NAV3: variants seen among roughly 807,000 people sequenced by gnomAD.
NAV3 encodes pore membrane and/or filament interacting like protein 1.
Under a neutral mutation model 244.7 loss-of-function variants are expected in NAV3, and 87 were observed. The ratio of observed to expected loss-of-function variants is 0.36; its 90% CI spans 0.30 to 0.42. The LOEUF (loss-of-function observed/expected upper bound fraction) is 0.42, where lower values mean the gene tolerates loss of function less well. NAV3 is among the 20% of genes least tolerant of loss of function. The pLI, the probability that NAV3 is intolerant of heterozygous loss-of-function variation, is 1.00. For missense variants in NAV3, 2,663 were observed against 2,893.3 expected (o/e 0.92, Z 1.83); for synonymous variants, 1,126 against 1,042.2 (o/e 1.08, Z -1.55).
At chr12:77,747,397 G>A (rs1018804791) in intron 2 of NAV3, among the ~76,000 whole-genome samples, 1 of 152,188 alleles carries the variant, frequency 6.6e-6, no homozygotes. Context: ...GTGCTGGAGA[G>A]GATGTGGAGA....
intron 12 of NAV3, among the ~76,000 whole-genome samples, chr12:78,113,238 G>C (rs1955193558): frequency 1.3e-5 from 2 of 152,200 alleles, no homozygotes; most frequent in Non-Finnish European, 1.5e-5. Flanking sequence ...AGCTGTAGGT[G>C]GATCTACCAT....
intron 30 of NAV3, among the ~76,000 whole-genome samples, 167 bp from the exon 31 acceptor site, chr12:78,185,433 CA>C (rs1375868254): frequency 1.3e-5 from 2 of 151,748 alleles, no homozygotes; most frequent in African/African-American, 4.8e-5. Context: ...TTAGCCCAAC[CA>C]CAGTAATTCA....
intron 34 of NAV3, among the ~76,000 whole-genome samples, chr12:78,191,455 CCA>C (rs370090201): frequency 6.6e-5 from 10 of 151,712 alleles, no homozygotes; most frequent in East Asian, 1.9e-4. Context: ...ACACATACAA[CCA>C]CACACACACA....
chr12:78,184,210 A>C (rs1489919570), intron 30 of NAV3, among the ~76,000 whole-genome samples: 1 of 151,902 alleles, frequency 6.6e-6, no homozygotes, highest in African/African-American at 2.4e-5. Flanking sequence ...ATATGCAGCA[A>C]AATTTCTGAT....
intron 1 of NAV3, among the ~76,000 whole-genome samples, chr12:77,892,458 C>T (rs923539408): frequency 6.6e-6 from 1 of 151,786 alleles, no homozygotes; most frequent in Non-Finnish European, 1.5e-5. Flanking sequence ...CTCTGTCACC[C>T]ATACTGGAGT....
At chr12:78,159,859 AAG>A (rs1957453203) in intron 23 of NAV3, among the ~76,000 whole-genome samples, 2 of 152,152 alleles carry the variant, frequency 1.3e-5, no homozygotes, top group African/African-American at 4.8e-5. Context: ...AATGTTAAGA[AAG>A]AGAAACAGTC....
At chr12:77,804,587 T>A (rs540473560) in intron 2 of NAV3, among the ~76,000 whole-genome samples, 1 of 152,218 alleles carries the variant, frequency 6.6e-6, no homozygotes, top group Non-Finnish European at 1.5e-5. Flanking sequence ...TGTAGTATAG[T>A]TTGAAGTCAC....
At chr12:77,970,638 T>C (rs1293516372) in intron 5 of NAV3, among the ~76,000 whole-genome samples, 1 of 152,146 alleles carries the variant, frequency 6.6e-6, no homozygotes, top group African/African-American at 2.4e-5. Flanking sequence ...TTCTTTAAGC[T>C]CATCTTGGCT....
intron 1 of NAV3, among the ~76,000 whole-genome samples, chr12:77,932,482 C>T (rs940902072): frequency 1.3e-5 from 2 of 152,132 alleles, no homozygotes; most frequent in Non-Finnish European, 2.9e-5. Context: ...CTTTCATCTG[C>T]CTTCCACACT....
chr12:78,117,501 A>G (rs1296700355), intron 13 of NAV3, among the ~76,000 whole-genome samples: 2 of 147,462 alleles, frequency 1.4e-5, no homozygotes, highest in Non-Finnish European at 3.0e-5. Flanking sequence ...GTATAATTCT[A>G]TATTAATATA....
chr12:78,070,678 A>G (rs1288600732), intron 12 of NAV3, among the ~76,000 whole-genome samples: 2 of 149,524 alleles, frequency 1.3e-5, no homozygotes, highest in Non-Finnish European at 3.0e-5. Flanking sequence ...CATTAGGTAT[A>G]TCTCCCGATG....
chr12:77,848,819 T>C (rs1877039476), intron 1 of NAV3, among the ~76,000 whole-genome samples: 2 of 152,316 alleles, frequency 1.3e-5, no homozygotes, highest in South Asian at 4.1e-4. Flanking sequence ...TGATTGCTCT[T>C]TATTTTTGGA....
chr12:77,577,162 T>C (rs1869126468), intron 2 of NAV3, among the ~76,000 whole-genome samples: 1 of 152,142 alleles, frequency 6.6e-6, no homozygotes, highest in East Asian at 1.9e-4. Context: ...TGTAGCATAC[T>C]CGGATGCAGA....
chr12:77,850,557 G>C (rs1313533247), intron 1 of NAV3, among the ~76,000 whole-genome samples: 1 of 152,204 alleles, frequency 6.6e-6, no homozygotes, highest in Non-Finnish European at 1.5e-5. Flanking sequence ...GGTTGGTGAT[G>C]ATGGGGGAAA....
chr12:77,724,548 T>C (rs1876790957), intron 2 of NAV3, among the ~76,000 whole-genome samples: 1 of 151,838 alleles, frequency 6.6e-6, no homozygotes. Flanking sequence ...AGCAATATAC[T>C]GTGTTTGCCA....
intron 18 of NAV3, chr12:78,130,439 C>G (rs1956112770): frequency 9.1e-6 from 2 of 218,674 alleles, no homozygotes; most frequent in Middle Eastern, 1.1e-3. Flanking sequence ...CTCGGGAATC[C>G]CCTGCTTTCC....
chr12:78,038,482 T>C (rs559049343), intron 9 of NAV3, among the ~76,000 whole-genome samples: 1 of 152,332 alleles, frequency 6.6e-6, no homozygotes, highest in African/African-American at 2.4e-5. Flanking sequence ...ATTCTTTTAG[T>C]GAACCAGTTT....
intron 12 of NAV3, among the ~76,000 whole-genome samples, chr12:78,061,070 C>CCAGCAG (rs575608692): frequency 6.6e-6 from 1 of 151,768 alleles, no homozygotes; most frequent in Non-Finnish European, 1.5e-5. Context: ...GGTACCTGGA[C>CCAGCAG]CAGCAGCAGC....
At chr12:77,896,374 A>C (rs944161406) in intron 1 of NAV3, among the ~76,000 whole-genome samples, 6 of 152,226 alleles carry the variant, frequency 3.9e-5, no homozygotes, top group Non-Finnish European at 7.3e-5. Flanking sequence ...TGTGTTTTAC[A>C]TTAGAGATTC....
Sources: gnomAD v4.1 joint callset for allele counts (sites outside exome capture counted in the v4.1 genomes callset) on GRCh38, gnomAD v4.1.1 for gene constraint, MANE v1.5 for transcripts, NCBI Gene and HGNC (gene_info 2026-07-23, HGNC 2026-07-21) for gene names.